The following NEDD4L variants were observed in gnomAD, a reference collection of about 807,000 sequenced individuals.
NEDD4L encodes E3 ubiquitin-protein ligase NEDD4-like.
A neutral mutation model predicts 148.9 loss-of-function variants in NEDD4L; 54 were observed. The ratio of observed to expected loss-of-function variants is 0.36; its 90% CI spans 0.29 to 0.45. The LOEUF is 0.45. NEDD4L is among the 20% of genes least tolerant of loss of function. The pLI, the probability that NEDD4L is intolerant of heterozygous loss-of-function variation, is 1.00. For synonymous variants in NEDD4L, 433 were observed against 440.7 expected, an observed-to-expected ratio of 0.98 and a Z score of 0.22; for missense variants, 856 against 1,233.8, an observed-to-expected ratio of 0.69 and a Z score of 4.59.
chr18:58,099,196 T>C (rs1351610555), intron 1 of NEDD4L, among the ~76,000 whole-genome samples: 1 of 152,156 alleles, frequency 6.6e-6, no homozygotes, highest in Non-Finnish European at 1.5e-5. Flanking sequence ...CTTTTTTTTT[T>C]GGAGACAAGT....
intron 1 of NEDD4L, among the ~76,000 whole-genome samples, chr18:58,130,127 A>G (rs894789525): frequency 1.4e-5 from 2 of 140,792 alleles, no homozygotes; most frequent in African/African-American, 5.4e-5. Flanking sequence ...ACTGTGATCT[A>G]GCGGAACTGT....
chr18:58,390,362 A>G (rs1017337369), intron 28 of NEDD4L: 32 of 309,926 alleles, frequency 1.0e-4, no homozygotes, highest in African/African-American at 6.2e-4. Flanking sequence ...TAAGCCTCGA[A>G]CACAGAAACA....
intron 2 of NEDD4L, among the ~76,000 whole-genome samples, chr18:58,221,364 A>G (rs2043745784): frequency 6.6e-6 from 1 of 152,154 alleles, no homozygotes; most frequent in Non-Finnish European, 1.5e-5. Context: ...ACTTCACTTG[A>G]AGATGCTGCA....
At chr18:58,311,868 C>T (rs1004373305) in intron 5 of NEDD4L, among the ~76,000 whole-genome samples, 3 of 152,222 alleles carry the variant, frequency 2.0e-5, no homozygotes, top group African/African-American at 7.2e-5. Context: ...GCTATAATCT[C>T]TTTCACTGGA....
intron 1 of NEDD4L, among the ~76,000 whole-genome samples, chr18:58,110,912 T>TC (rs1217191356): frequency 6.6e-6 from 1 of 152,240 alleles, no homozygotes; most frequent in Non-Finnish European, 1.5e-5. Flanking sequence ...AAGGTATTTT[T>TC]CAATGAACTA....
intron 2 of NEDD4L, among the ~76,000 whole-genome samples, chr18:58,232,328 G>A (rs2045338632): frequency 6.6e-6 from 1 of 152,298 alleles, no homozygotes; most frequent in Non-Finnish European, 1.5e-5. Context: ...GATTTAACCA[G>A]GCTGAGATCC....
intron 1 of NEDD4L, among the ~76,000 whole-genome samples, chr18:58,116,991 A>G (rs577517809): frequency 8.3e-4 from 127 of 152,360 alleles, no homozygotes; most frequent in African/African-American, 2.9e-3. Context: ...TGCTGGACAG[A>G]GCTTCTTCCA....
intron 2 of NEDD4L, among the ~76,000 whole-genome samples, chr18:58,174,520 T>C (rs2037891100): frequency 1.3e-5 from 2 of 152,168 alleles, no homozygotes; most frequent in Non-Finnish European, 2.9e-5. Flanking sequence ...CTTCAATGAC[T>C]TGTAGGAAGG....
chr18:58,189,688 A>G (rs138765123), intron 2 of NEDD4L: 1 of 152,306 alleles, frequency 6.6e-6, no homozygotes, highest in African/African-American at 2.4e-5. Flanking sequence ...TTTTCTTCAC[A>G]TGAACTCGTC....
chr18:58,062,441 A>G (rs1333765256), intron 1 of NEDD4L, among the ~76,000 whole-genome samples: 1 of 152,212 alleles, frequency 6.6e-6, no homozygotes, highest in African/African-American at 2.4e-5. Context: ...CAGGGCCTCA[A>G]GTTTTATGTT....
chr18:58,373,253 A>T lies in NEDD4L; in HGVS notation c.2336A>T (p.Glu779Val), dbSNP rs1182242080. The change falls in exon 24 of 31, where the codon GAA becomes GTA. Residue 779 changes from glutamate to valine, a missense_variant. Glu to Val is a moderately radical substitution (Grantham distance 121). This residue lies in a region of NEDD4L where 286 missense variants were observed against 531.8 expected (regional missense o/e 0.54). Coordinates refer to ENST00000400345, the MANE Select transcript of NEDD4L (RefSeq NM_001144967.3). ...TELDLMFCID[E>V]ENFGQTYQVD... The stretch of plus-strand genomic sequence containing the variant: ...CTGGACCTCATGTTCTGCATAGACG[A>T]AGAAAACTTTGGACAGGTACATGTG... 1 of 1,577,592 alleles carries T rather than the reference A, an allele frequency of 6.3e-7. No homozygotes were observed. Among genetic ancestry groups the T allele is most frequent in the Non-Finnish European group, 8.6e-7 (1 of 1,158,394 alleles).
At chr18:58,275,571 G>A (rs2051780714) in intron 5 of NEDD4L, among the ~76,000 whole-genome samples, 1 of 152,214 alleles carries the variant, frequency 6.6e-6, no homozygotes, top group South Asian at 2.1e-4. Flanking sequence ...GAGAATGTGT[G>A]AAGTCCCCAG....
chr18:58,281,822 G>A (rs1300687431), intron 5 of NEDD4L, among the ~76,000 whole-genome samples: 3 of 152,044 alleles, frequency 2.0e-5, no homozygotes, highest in South Asian at 2.1e-4. Context: ...TCAGGAGATC[G>A]AGACCGTCCT....
intron 1 of NEDD4L, chr18:58,090,976 GA>G (rs1243903623): frequency 1.3e-5 from 2 of 152,224 alleles, no homozygotes; most frequent in Non-Finnish European, 2.9e-5. Context: ...GCTGATGTTT[GA>G]GTATCCCTGC....
chr18:58,192,939 A>G (rs372803733), intron 2 of NEDD4L, among the ~76,000 whole-genome samples: 12 of 152,322 alleles, frequency 7.9e-5, no homozygotes, highest in African/African-American at 2.9e-4. Flanking sequence ...TGATCATTTT[A>G]AACAATTGAT....
intron 24 of NEDD4L, among the ~76,000 whole-genome samples, chr18:58,375,955 C>T (rs1484577241): frequency 1.3e-5 from 2 of 152,138 alleles, no homozygotes; most frequent in Non-Finnish European, 2.9e-5. Context: ...CTGGAAGTAT[C>T]TTCCTTTCAT....
chr18:58,131,007 C>A (rs557505248), intron 1 of NEDD4L, among the ~76,000 whole-genome samples: 3 of 127,656 alleles, frequency 2.4e-5, no homozygotes, highest in Non-Finnish European at 4.9e-5. Flanking sequence ...TGACTGTGAT[C>A]TAGCAGAACA....
chr18:58,065,615 A>T (rs1189426830), intron 1 of NEDD4L, among the ~76,000 whole-genome samples: 2 of 152,160 alleles, frequency 1.3e-5, no homozygotes, highest in Admixed American at 6.5e-5. Context: ...GGTAGACTGC[A>T]TTTACTCTTA....
At chr18:58,370,507 C>T (rs2046715987) in intron 23 of NEDD4L, 40 bp downstream of exon 23, 2 of 1,338,220 alleles carry the variant, frequency 1.5e-6, no homozygotes, top group African/African-American at 1.4e-5. Context: ...TCACCGGGCA[C>T]TCGTGTCTTA....
Sources: gnomAD v4.1 joint callset for allele counts (sites outside exome capture counted in the v4.1 genomes callset) on GRCh38, gnomAD v4.1.1 for gene constraint, gnomAD v4.1.1 regional missense constraint, MANE v1.5 for transcripts, NCBI Gene and HGNC (gene_info 2026-07-23, HGNC 2026-07-21) for gene names.